Variants in NEBL observed in about 807,000 individuals in gnomAD.
The protein encoded by NEBL is LIM and SH3 protein 2.
NEBL carries 122 observed loss-of-function variants against 140.2 expected under a neutral mutation model. That is an observed-to-expected ratio of 0.87 (90% CI 0.75 to 1.01). The LOEUF (loss-of-function observed/expected upper bound fraction) is 1.01, where lower values mean the gene tolerates loss of function less well. NEBL is among the 50% of genes least tolerant of loss of function. The probability of loss-of-function intolerance (pLI) is 0.00; values close to 1 mark genes in which losing one functional copy is unlikely to be tolerated. For synonymous variants in NEBL, 436 were observed against 398.9 expected, an observed-to-expected ratio of 1.09 and a Z score of -1.11; for missense variants, 1,365 against 1,231.3, an observed-to-expected ratio of 1.11 and a Z score of -1.62.
At chr10:21,225,325 G>A (rs1333420897) in intron 3 of NEBL, among the ~76,000 whole-genome samples, 9 of 152,146 alleles carry the variant, frequency 5.9e-5, no homozygotes, top group African/African-American at 2.2e-4. Flanking sequence ...GACTTCCCTA[G>A]GTCAGACCTG....
At chr10:21,028,254 A>AAAAAAAGAAGAAGAAGAAGAAGAAGAAG (rs1554819372) in intron 2 of NEBL, among the ~76,000 whole-genome samples, 1 of 70,346 alleles carries the variant, frequency 1.4e-5, no homozygotes, top group Non-Finnish European at 2.7e-5. Flanking sequence ...AAAAAAAAAA[A>AAAAAAAGAAGAAGAAGAAGAAGAAGAAG]AAGAAGAAGA....
intron 2 of NEBL, among the ~76,000 whole-genome samples, chr10:21,023,698 A>C (rs1052559832): frequency 5.3e-5 from 8 of 151,826 alleles, no homozygotes; most frequent in African/African-American, 1.9e-4. Flanking sequence ...CCATCTCAAA[A>C]ATAAATAAAT....
chr10:20,787,314 T>C lies in NEBL; in HGVS notation c.2762-6A>G, dbSNP rs980408133. On this transcript the variant is annotated splice_region_variant and splice_polypyrimidine_tract_variant and intron_variant, in intron 26 of 27. Transcript: ENST00000377122. ...GGCTCCGGGAAGAACAGGTGCTGCA[T>C]GTTAAACATACACACACACAAAGAT... The C allele has an allele frequency of 8.7e-6, 14 of 1,603,834 alleles. No homozygotes were observed. Among genetic ancestry groups the C allele is most frequent in the Non-Finnish European group, 1.2e-5 (14 of 1,171,788 alleles).
chr10:21,070,827 A>G (rs1383849638), intron 2 of NEBL, among the ~76,000 whole-genome samples: 2 of 152,210 alleles, frequency 1.3e-5, no homozygotes, highest in South Asian at 4.1e-4. Flanking sequence ...ACTGGCATAC[A>G]TGTCTAAGAA....
intron 4 of NEBL, among the ~76,000 whole-genome samples, chr10:20,947,360 G>C (rs1480003459): frequency 6.6e-6 from 1 of 152,100 alleles, no homozygotes; most frequent in African/African-American, 2.4e-5. Flanking sequence ...TCATTGGCTA[G>C]AACAGCAAAA....
At chr10:20,993,927 C>T (rs1005294216) in intron 3 of NEBL, among the ~76,000 whole-genome samples, 3 of 152,288 alleles carry the variant, frequency 2.0e-5, no homozygotes, top group South Asian at 2.1e-4. Flanking sequence ...AGCCACCCAT[C>T]GTCATCTCAC....
intron 1 of NEBL, among the ~76,000 whole-genome samples, chr10:21,288,852 AAATTT>A (rs1564556775): frequency 2.0e-5 from 2 of 98,012 alleles, no homozygotes; most frequent in African/African-American, 8.8e-5. Flanking sequence ...ATATATATAA[AAATTT>A]TTTTTTTTTG....
Position 20,780,877 on chromosome 10 carries a change from C to G in NEBL, c.*4870G>C, listed in dbSNP as rs1588575175. The G allele has an allele frequency of 6.6e-6, 1 of 152,078 alleles. No individual in the cohort carries two copies. The highest frequency in any genetic ancestry group is 1.5e-5 in the Non-Finnish European group (1 of 68,014). 9.4% of individuals were successfully genotyped at this position (152,078 alleles called of 1,614,324 possible). ...ATTTAAGTAGTTTCAATAGATAAAT[C>G]GGTGATTTGCTTTTAAACAAATATT... On this transcript the variant is annotated 3_prime_UTR_variant, in exon 28 of 28. Transcript: ENST00000377122.
chr10:20,965,315 G>A lies in NEBL; in HGVS notation c.250-3536C>T, dbSNP rs145273435. ...GGAAGCGCTAAGAGAGAAAAATAGCGAGACAAGGGGACGTGAAGTGTCAGG... is the reference window on the plus strand; with the variant it reads ...GGAAGCGCTAAGAGAGAAAAATAGCAAGACAAGGGGACGTGAAGTGTCAGG... On this transcript the variant is annotated intron_variant, in intron 3 of 6. Transcript: ENST00000417816. Among the ~76,000 whole-genome samples, 1,095 of 152,336 alleles carry A rather than the reference G, an allele frequency of 7.2e-3. 3 individuals carry two copies. Among genetic ancestry groups the A allele is most frequent in the Non-Finnish European group, 0.011 (750 of 68,042 alleles).
intron 3 of NEBL, among the ~76,000 whole-genome samples, chr10:21,238,437 C>G (rs1333227563): frequency 6.6e-6 from 1 of 151,900 alleles, no homozygotes; most frequent in Non-Finnish European, 1.5e-5. Context: ...CGGTGGCTCA[C>G]GCCTGTAATC....
chr10:21,288,820 G>GTGTATATATATATATATATATATA (rs1477748950), intron 1 of NEBL, among the ~76,000 whole-genome samples: 3 of 35,020 alleles, frequency 8.6e-5, no homozygotes, highest in African/African-American at 2.9e-4. Context: ...GTGTGTGTGT[G>GTGTATATATATATATATATATATA]TATATATATA....
chr10:20,940,736 A>G (rs1272624394), intron 4 of NEBL, among the ~76,000 whole-genome samples: 1 of 151,214 alleles, frequency 6.6e-6, no homozygotes, highest in African/African-American at 2.4e-5. Flanking sequence ...AGACACAATA[A>G]AAAATGATAA....
rs1231645045 is a variant in NEBL, at chr10:21,227,698, CTTCTTCTTCTTCT to C, written n.348+20210_348+20222del. On this transcript the variant is annotated intron_variant and non_coding_transcript_variant, in intron 3 of 8. Transcript: ENST00000675702. ...TCTTCTTCTTCTTCTTCTTCTTCTT[CTTCTTCTTCTTCT>C]TTCTTCTTCTTCTTCTTCTTCTTCT... 2.1e-3 allele frequency among the ~76,000 whole-genome samples: 188 copies of C among 87,632 alleles called. 1 individual carries two copies. The highest frequency in any genetic ancestry group is 7.5e-3 in the African/African-American group (124 of 16,532). The allele number at this position is 87,632 out of a possible 152,430, so 57.5% of individuals were successfully genotyped here.
intron 3 of NEBL, among the ~76,000 whole-genome samples, chr10:21,245,442 A>G (rs1588558419): frequency 6.6e-6 from 1 of 152,382 alleles, no homozygotes; most frequent in East Asian, 1.9e-4. Context: ...CTATTTAACT[A>G]TAAGAAGTCT....
At chr10:21,111,090 AAG>A (rs1837989077) in intron 2 of NEBL, among the ~76,000 whole-genome samples, 1 of 152,194 alleles carries the variant, frequency 6.6e-6, no homozygotes, top group Non-Finnish European at 1.5e-5. Flanking sequence ...AACAAAATAA[AAG>A]AGGACACAAA....
At chr10:21,110,854 T>C in intron 2 of NEBL, 1 of 615,408 alleles carries the variant, frequency 1.6e-6, no homozygotes, top group Non-Finnish European at 3.1e-6. Flanking sequence ...GGCAATGAAT[T>C]ACAAATGCAG....
chr10:21,251,951 C>T (rs1842593883), intron 1 of NEBL, among the ~76,000 whole-genome samples: 1 of 152,160 alleles, frequency 6.6e-6, no homozygotes, highest in Non-Finnish European at 1.5e-5. Context: ...CAGCTCTCCA[C>T]TTCCCTCTCT....
chr10:21,146,946 C>A (rs1839918985), intron 2 of NEBL, among the ~76,000 whole-genome samples: 1 of 152,130 alleles, frequency 6.6e-6, no homozygotes, highest in Non-Finnish European at 1.5e-5. Context: ...CACAGAAAAT[C>A]AATGGCTTCT....
intron 2 of NEBL, among the ~76,000 whole-genome samples, chr10:21,138,335 C>T (rs1022464637): frequency 1.3e-5 from 2 of 150,156 alleles, no homozygotes; most frequent in Non-Finnish European, 3.0e-5. Context: ...TCCCACCAAG[C>T]TCAACACAAA....
Sources: allele counts gnomAD v4.1 joint callset (sites outside exome capture counted in the v4.1 genomes callset), GRCh38; gene constraint gnomAD v4.1.1; transcripts MANE v1.5; gene names NCBI Gene and HGNC (gene_info 2026-07-23, HGNC 2026-07-21).